Variants in MAGI2 observed in about 807,000 individuals in gnomAD.
MAGI2 encodes membrane-associated guanylate kinase, WW and PDZ domain-containing protein 2.
A neutral mutation model predicts 133.3 loss-of-function variants in MAGI2; 35 were observed. That is an observed-to-expected ratio of 0.26 (90% CI 0.20 to 0.35). MAGI2 has a LOEUF of 0.35. Among genes scored for constraint, MAGI2 ranks in the 10% least tolerant of loss-of-function variants. MAGI2 has a pLI of 1.00. For synonymous variants in MAGI2, 729 were observed against 710.6 expected (o/e 1.03, Z -0.41); for missense variants, 1,636 against 1,863.4 (o/e 0.88, Z 2.25).
chr7:78,611,220 A>T (rs1394707574), intron 3 of MAGI2, among the ~76,000 whole-genome samples: 1 of 152,208 alleles, frequency 6.6e-6, no homozygotes, highest in African/African-American at 2.4e-5. Flanking sequence ...TTGGCAACTA[A>T]TATCAATTTA....
At chr7:79,240,463 A>T (rs1832304418) in intron 1 of MAGI2, among the ~76,000 whole-genome samples, 1 of 152,054 alleles carries the variant, frequency 6.6e-6, no homozygotes, top group African/African-American at 2.4e-5. Context: ...GGAATAGGGG[A>T]CAATGGCATG....
chr7:78,977,691 T>C (rs1045207413), intron 2 of MAGI2, among the ~76,000 whole-genome samples: 1 of 151,710 alleles, frequency 6.6e-6, no homozygotes, highest in Admixed American at 6.6e-5. Flanking sequence ...AATTAGACTT[T>C]ATTACAATTT....
At chr7:78,287,711 T>G (rs1796286070) in intron 9 of MAGI2, among the ~76,000 whole-genome samples, 1 of 152,188 alleles carries the variant, frequency 6.6e-6, no homozygotes, top group African/African-American at 2.4e-5. Context: ...CTGTATAATT[T>G]CTTCCTGTAC....
chr7:79,054,515 A>G lies in MAGI2; in HGVS notation c.302-47309T>C, dbSNP rs906784600. 2.3e-3 allele frequency among the ~76,000 whole-genome samples: 343 copies of G among 152,200 alleles called. 14 individuals are homozygous for G. Among genetic ancestry groups the G allele is most frequent in the Admixed American group, 0.022 (341 of 15,282 alleles). ...GTTTCCTTTTGGATTGCTTGATTCA[A>G]TCTGTCACTGATTCTTGTCGATTCC... On this transcript the variant is annotated intron_variant, in intron 1 of 21. Coordinates refer to ENST00000354212, the MANE Select transcript of MAGI2 (RefSeq NM_012301.4).
chr7:79,148,934 T>C (rs1450175601), intron 1 of MAGI2, among the ~76,000 whole-genome samples: 1 of 146,772 alleles, frequency 6.8e-6, no homozygotes, highest in African/African-American at 2.5e-5. Context: ...CAGGAGAGTG[T>C]GGAAGGAAGG....
At chr7:78,685,235 G>A (rs1816149630) in intron 2 of MAGI2, among the ~76,000 whole-genome samples, 1 of 152,138 alleles carries the variant, frequency 6.6e-6, no homozygotes, top group Non-Finnish European at 1.5e-5. Flanking sequence ...TCCTGGCAGA[G>A]TTTAAGGCTG....
intron 1 of MAGI2, among the ~76,000 whole-genome samples, chr7:79,036,870 C>T (rs1029470694): frequency 3.3e-5 from 5 of 152,134 alleles, no homozygotes; most frequent in African/African-American, 1.2e-4. Context: ...TCTATTGAGT[C>T]GATTTTAACA....
chr7:78,080,402 G>A (rs538585615), intron 20 of MAGI2, among the ~76,000 whole-genome samples: 1 of 152,250 alleles, frequency 6.6e-6, no homozygotes, highest in Admixed American at 6.5e-5. Flanking sequence ...CTGTTTTAGG[G>A]CCAGTAGCTT....
chr7:79,092,165 G>A (rs118084569), intron 1 of MAGI2, among the ~76,000 whole-genome samples: 1,822 of 152,234 alleles, frequency 0.012, 94 homozygotes, highest in East Asian at 0.11. Context: ...GAAAAAGTCA[G>A]ATTCTAAGCT....
chr7:78,932,849 T>C (rs1443733925), intron 2 of MAGI2, among the ~76,000 whole-genome samples: 5 of 152,126 alleles, frequency 3.3e-5, no homozygotes, highest in African/African-American at 9.7e-5. Context: ...TGATGAAACA[T>C]CACTGTCTTC....
At chr7:78,576,420 T>C (rs962267647) in intron 3 of MAGI2, among the ~76,000 whole-genome samples, 4 of 152,218 alleles carry the variant, frequency 2.6e-5, no homozygotes, top group African/African-American at 7.2e-5. Flanking sequence ...TGATTGCCTC[T>C]GGCCCTCCTG....
intron 5 of MAGI2, among the ~76,000 whole-genome samples, chr7:78,499,708 C>T (rs1372647001): frequency 1.3e-5 from 2 of 152,212 alleles, no homozygotes; most frequent in African/African-American, 4.8e-5. Flanking sequence ...CTTTAATCAA[C>T]TTGTCATGCT....
At chr7:78,770,997 G>A (rs1236874772) in intron 2 of MAGI2, 1 of 152,144 alleles carries the variant, frequency 6.6e-6, no homozygotes, top group Non-Finnish European at 1.5e-5. Flanking sequence ...AGTCTCAGCT[G>A]AGCTTTGATT....
chr7:78,763,686 T>C (rs1207895), intron 2 of MAGI2, among the ~76,000 whole-genome samples: 43,809 of 151,990 alleles, frequency 0.29, 6,667 homozygotes, highest in South Asian at 0.47. Flanking sequence ...TGAATTACCC[T>C]AAAGAGTCCA....
At chr7:78,089,604 T>C (rs1052311873) in intron 20 of MAGI2, among the ~76,000 whole-genome samples, 2 of 152,200 alleles carry the variant, frequency 1.3e-5, no homozygotes. Flanking sequence ...CTCTATACCA[T>C]TATAGAAAGA....
At chr7:78,923,031 A>C (rs1185150670) in intron 2 of MAGI2, among the ~76,000 whole-genome samples, 2 of 151,970 alleles carry the variant, frequency 1.3e-5, no homozygotes, top group African/African-American at 4.8e-5. Flanking sequence ...CCTACTTTTT[A>C]ATGGGGTTGT....
intron 2 of MAGI2, among the ~76,000 whole-genome samples, chr7:78,857,634 G>A (rs62467689): frequency 0.22 from 33,112 of 152,178 alleles, 4,058 homozygotes; most frequent in South Asian, 0.45. Context: ...GCTTTTTGAT[G>A]TGCTGCTGGA....
chr7:78,590,436 C>T (rs1803879933), intron 3 of MAGI2, among the ~76,000 whole-genome samples: 3 of 152,082 alleles, frequency 2.0e-5, no homozygotes, highest in Non-Finnish European at 4.4e-5. Flanking sequence ...CTTGGTGATC[C>T]CAGGACATTG....
chr7:79,310,774 C>T (rs1162923707), intron 1 of MAGI2, among the ~76,000 whole-genome samples: 1 of 152,084 alleles, frequency 6.6e-6, no homozygotes, highest in East Asian at 1.9e-4. Context: ...CAAATTGTGA[C>T]CCTAGTTGAG....
Sources: allele counts gnomAD v4.1 joint callset (sites outside exome capture counted in the v4.1 genomes callset), GRCh38; gene constraint gnomAD v4.1.1; transcripts MANE v1.5; gene names NCBI Gene and HGNC (gene_info 2026-07-23, HGNC 2026-07-21).